The following RAB11FIP2 variants were observed in gnomAD, a reference collection of about 807,000 sequenced individuals.
The protein encoded by RAB11FIP2 is RAB11 family interacting protein 2.
In RAB11FIP2, 16 loss-of-function variants were observed where a neutral mutation model predicts 40.9. The ratio of observed to expected loss-of-function variants is 0.39; its 90% CI spans 0.26 to 0.59. RAB11FIP2 has a LOEUF of 0.59. RAB11FIP2 is among the 20% of genes least tolerant of loss of function. The pLI is 0.53. For missense variants in RAB11FIP2, 532 were observed against 606.2 expected (o/e 0.88, Z 1.28); for synonymous variants, 228 against 213.7 (o/e 1.07, Z -0.58).
chr10:118,005,839 C>T lies in RAB11FIP2; in HGVS notation c.*3159G>A, dbSNP rs2133156865. ...GGGAGGCGTGGTGGTGAGGGAGTTG[C>T]TGGAGGAATAACAAGAAGAAAACAA... On this transcript the variant is annotated 3_prime_UTR_variant, in exon 5 of 5. Coordinates refer to ENST00000355624, the MANE Select transcript of RAB11FIP2 (RefSeq NM_014904.3). The T allele has an allele frequency of 6.6e-6, 1 of 152,192 alleles. No individual in the cohort carries two copies. The highest frequency in any genetic ancestry group is 1.9e-4 in the East Asian group (1 of 5,174). 9.4% of individuals were successfully genotyped at this position (152,192 alleles called of 1,614,324 possible).
At chr10:118,014,157 A>G (rs902344334) in intron 4 of RAB11FIP2, among the ~76,000 whole-genome samples, 13 of 152,124 alleles carry the variant, frequency 8.5e-5, no homozygotes, top group African/African-American at 3.1e-4. Flanking sequence ...GGTTTAGAAA[A>G]TAAACCCTAA....
chr10:118,028,292 T>C (rs1846369812), intron 3 of RAB11FIP2, among the ~76,000 whole-genome samples: 2 of 150,830 alleles, frequency 1.3e-5, no homozygotes, highest in South Asian at 2.1e-4. Flanking sequence ...GTTTGGTGTA[T>C]AATATATTAA....
chr10:118,013,670 T>C (rs1431100357), intron 4 of RAB11FIP2, among the ~76,000 whole-genome samples: 2 of 152,112 alleles, frequency 1.3e-5, no homozygotes, highest in Non-Finnish European at 2.9e-5. Context: ...AGTAATCCTT[T>C]AACTGTCATT....
intron 3 of RAB11FIP2, among the ~76,000 whole-genome samples, chr10:118,036,044 TA>T (rs1428848545): frequency 6.6e-6 from 1 of 152,114 alleles, no homozygotes; most frequent in African/African-American, 2.4e-5. Flanking sequence ...AGGCGGACTT[TA>T]CTTAACACTA....
At chr10:118,032,029 T>C (rs770456517) in intron 3 of RAB11FIP2, among the ~76,000 whole-genome samples, 14 of 151,082 alleles carry the variant, frequency 9.3e-5, no homozygotes, top group Non-Finnish European at 2.1e-4. Flanking sequence ...AGTAGGCTTA[T>C]ATTGATTTTT....
intron 3 of RAB11FIP2, among the ~76,000 whole-genome samples, chr10:118,034,920 C>A (rs987923007): frequency 3.9e-5 from 6 of 152,132 alleles, no homozygotes; most frequent in African/African-American, 1.4e-4. Flanking sequence ...TCACTAAACC[C>A]AATTCAGCTT....
chr10:118,027,197 T>A (rs1164752701), intron 3 of RAB11FIP2, among the ~76,000 whole-genome samples: 1 of 152,172 alleles, frequency 6.6e-6, no homozygotes, highest in East Asian at 1.9e-4. Flanking sequence ...GGTTATTATC[T>A]CCATTTTACA....
At chr10:118,015,757 G>A (rs982648804) in intron 3 of RAB11FIP2, among the ~76,000 whole-genome samples, 3 of 152,168 alleles carry the variant, frequency 2.0e-5, no homozygotes, top group African/African-American at 7.2e-5. Flanking sequence ...TTTCTTCTTT[G>A]AAACATGTCC....
chr10:118,036,301 G>C (rs1347999024), intron 3 of RAB11FIP2, among the ~76,000 whole-genome samples: 1 of 151,944 alleles, frequency 6.6e-6, no homozygotes, highest in African/African-American at 2.4e-5. Context: ...CAAGAGTCCA[G>C]GAAACTGTAA....
At position 118,046,040 on chromosome 10, in the gene RAB11FIP2, G is replaced by A; in HGVS notation, c.124C>T (p.Leu42=). The A allele has an allele frequency of 6.2e-7, 1 of 1,614,204 alleles. No homozygotes were observed. Among genetic ancestry groups the A allele is most frequent in the Non-Finnish European group, 8.5e-7 (1 of 1,180,040 alleles). ...GTNDTYTIIQ[L]GKEKYSTSVA... ...GAGGTGGAGTACTTTTCCTTGCCCA[G>A]CTGAATTATAGTGTATGTGTCATTG... Residue 42 remains leucine (L), a synonymous_variant, in exon 1 of 5, where the codon CTG becomes TTG. Transcript: ENST00000355624.
At chr10:118,038,265 T>C (rs1490408729) in intron 3 of RAB11FIP2, among the ~76,000 whole-genome samples, 1 of 150,918 alleles carries the variant, frequency 6.6e-6, no homozygotes, top group Non-Finnish European at 1.5e-5. Flanking sequence ...TAAATTTATA[T>C]AGATATAGAT....
chr10:118,041,292 T>C (rs2041305), intron 1 of RAB11FIP2, among the ~76,000 whole-genome samples: 21,798 of 152,058 alleles, frequency 0.14, 2,025 homozygotes, highest in Middle Eastern at 0.22. Flanking sequence ...TGAATCTATT[T>C]GCTTCATTTT....
chr10:118,007,323 T>G lies in RAB11FIP2; in HGVS notation c.*1675A>C, dbSNP rs1343542309. The G allele has an allele frequency of 6.6e-6, 1 of 151,942 alleles. No homozygotes were observed. Among genetic ancestry groups the G allele is most frequent in the Non-Finnish European group, 1.5e-5 (1 of 67,902 alleles). The allele number at this position is 151,942 out of a possible 1,614,324, so 9.4% of individuals were successfully genotyped here. ...CATTTAATTTTTATGAAAAAAATGT[T>G]CATAATTTCAAAATGTATGTTCTTA... is the stretch of plus-strand genomic sequence containing the variant. On this transcript the variant is annotated 3_prime_UTR_variant, in exon 5 of 5. Coordinates refer to ENST00000355624, the MANE Select transcript of RAB11FIP2 (RefSeq NM_014904.3).
rs542970929 is a variant in RAB11FIP2, at chr10:118,037,046, C to T, written c.1265+1926G>A. ...GCTTTTCTTCTGACTCTAAAATTAG[C>T]TAAATTGCCCCATCTCCAAGTTACC... On this transcript the variant is annotated intron_variant, in intron 3 of 4. Coordinates refer to ENST00000355624, the MANE Select transcript of RAB11FIP2 (RefSeq NM_014904.3). 1.1e-4 allele frequency among the ~76,000 whole-genome samples: 16 copies of T among 152,150 alleles called. No homozygotes were observed. The South Asian group carries it at 1.7e-3, about 16-fold the overall frequency.
At chr10:118,013,196 C>T (rs1846177573) in intron 4 of RAB11FIP2, among the ~76,000 whole-genome samples, 1 of 151,956 alleles carries the variant, frequency 6.6e-6, no homozygotes, top group Non-Finnish European at 1.5e-5. Flanking sequence ...TACTAACTGA[C>T]ATCCAAGGCA....
rs779159784 is a variant in RAB11FIP2, at chr10:118,008,954, T to C, written c.*44A>G. On this transcript the variant is annotated 3_prime_UTR_variant, in exon 5 of 5. Transcript: ENST00000355624. ...AGTTTTTCCTTCCTTCCTTCTTTCT[T>C]TCTCTCTCTTTGTCCAATTATCAAT... 4.7e-6 allele frequency: 7 copies of C among 1,479,122 alleles called. No homozygotes were observed. Among genetic ancestry groups the C allele is most frequent in the East Asian group, 2.3e-5 (1 of 44,278 alleles). 91.6% of individuals were successfully genotyped at this position (1,479,122 alleles called of 1,614,324 possible).
At chr10:118,037,093 C>A (rs1397742300) in intron 3 of RAB11FIP2, among the ~76,000 whole-genome samples, 3 of 151,880 alleles carry the variant, frequency 2.0e-5, no homozygotes, top group African/African-American at 7.3e-5. Flanking sequence ...TTTCCAACAA[C>A]CTTCTGTAAA....
chr10:118,023,935 C>A (rs755010114), intron 3 of RAB11FIP2, among the ~76,000 whole-genome samples: 6 of 151,726 alleles, frequency 4.0e-5, no homozygotes, highest in Non-Finnish European at 8.8e-5. Context: ...CTAAAAAATA[C>A]AAAACTTAGC....
intron 4 of RAB11FIP2, among the ~76,000 whole-genome samples, chr10:118,010,796 G>A (rs1360105882): frequency 6.6e-6 from 1 of 152,092 alleles, no homozygotes; most frequent in Non-Finnish European, 1.5e-5. Flanking sequence ...ATTTCAAGCA[G>A]TGAACTCTGC....
Sources: allele counts gnomAD v4.1 joint callset (sites outside exome capture counted in the v4.1 genomes callset), GRCh38; gene constraint gnomAD v4.1.1; transcripts MANE v1.5; gene names NCBI Gene and HGNC (gene_info 2026-07-23, HGNC 2026-07-21).